NWD2: variants seen among roughly 807,000 people sequenced by gnomAD.
The protein encoded by NWD2 is NACHT and WD repeat domain-containing protein 2.
NWD2 carries 37 observed loss-of-function variants against 132.7 expected under a neutral mutation model. The observed-to-expected ratio is 0.28, with a 90% CI of 0.21 to 0.37. NWD2 has a LOEUF of 0.37. NWD2 is among the 10% of genes least tolerant of loss of function. The pLI, the probability that NWD2 is intolerant of heterozygous loss-of-function variation, is 1.00. For synonymous variants in NWD2, 705 were observed against 803.0 expected (o/e 0.88, Z 2.06); for missense variants, 1,592 against 2,122.4 (o/e 0.75, Z 4.91).
chr4:37,252,104 C>T (rs966297079), intron 1 of NWD2, among the ~76,000 whole-genome samples: 1 of 152,042 alleles, frequency 6.6e-6, no homozygotes, highest in African/African-American at 2.4e-5. Flanking sequence ...ATGAATAGAG[C>T]CAGGGTATGG....
In NWD2 at chr4:37,433,922, T is replaced by C. The variant is rs576081798; in HGVS notation, c.608T>C (p.Ile203Thr). ...GAAAACGAGAAGACATGGCAAGAGA[T>C]ATCAGATGAGATCAAGAAGATATTT... ...NAENEKTWQE[I>T]SDEIKKIFKA... is the part of the protein sequence containing the mutation. Residue 203 changes from isoleucine to threonine, a missense_variant, in exon 5 of 7, where the codon ATA (isoleucine) becomes ACA (threonine). Transcript: ENST00000309447. 1.9e-6 allele frequency: 3 copies of C among 1,549,522 alleles called. No individual in the cohort carries two copies. Among genetic ancestry groups the C allele is most frequent in the South Asian group, 2.4e-5 (2 of 83,732 alleles).
At chr4:37,426,789 G>C (rs957777566) in intron 3 of NWD2, among the ~76,000 whole-genome samples, 1 of 152,104 alleles carries the variant, frequency 6.6e-6, no homozygotes, top group Non-Finnish European at 1.5e-5. Flanking sequence ...AGTACCCTGG[G>C]AGATCCAGGG....
At chr4:37,260,292 C>A (rs999278951) in intron 1 of NWD2, among the ~76,000 whole-genome samples, 4 of 152,164 alleles carry the variant, frequency 2.6e-5, no homozygotes, top group Non-Finnish European at 4.4e-5. Context: ...GGCATTCTCT[C>A]TGGGACTCTC....
At chr4:37,328,194 C>A (rs1401568826) in intron 2 of NWD2, among the ~76,000 whole-genome samples, 1 of 152,046 alleles carries the variant, frequency 6.6e-6, no homozygotes, top group South Asian at 2.1e-4. Context: ...CAGCTGCTTT[C>A]TTATTGTCCC....
intron 1 of NWD2, among the ~76,000 whole-genome samples, chr4:37,295,907 A>G (rs1267155430): frequency 6.6e-6 from 1 of 152,214 alleles, no homozygotes; most frequent in Non-Finnish European, 1.5e-5. Flanking sequence ...CAGATTCAAC[A>G]TTTGTACGTT....
chr4:37,260,752 A>T lies in NWD2; in HGVS notation c.151+15534A>T, dbSNP rs537713150. The stretch of plus-strand genomic sequence containing the variant: ...GACATCTTCCTTAGGCCTACAGATG[A>T]GACTATTAGATTGATTTTTTTAAAA... On this transcript the variant is annotated intron_variant, in intron 1 of 6. Coordinates refer to ENST00000309447, the MANE Select transcript of NWD2 (RefSeq NM_001144990.2). Among the ~76,000 whole-genome samples the T allele has an allele frequency of 3.3e-4, 50 of 152,306 alleles. No homozygotes were observed. In the South Asian group the frequency reaches 8.7e-3, roughly 27 times the overall value.
Position 37,445,327 on chromosome 4 carries a change from T to G in NWD2, c.3339T>G (p.Ala1113=). Residue 1113 remains alanine, a synonymous_variant, in exon 7 of 7, where the codon GCT becomes GCG. Transcript: ENST00000309447. The surrounding 1 kb of genome is among the most constrained non-coding windows in gnomAD (Gnocchi z 4.7). ...AGTGCTCCCTGGATGGTCTGTATGC[T>G]TTCTGTGGCCAATACCTGAACACAA... is the stretch of plus-strand genomic sequence containing the variant. ...CVQCSLDGLY[A]FCGQYLNTTT... The G allele has an allele frequency of 6.4e-7, 1 of 1,552,192 alleles. No homozygotes were observed. The highest frequency in any genetic ancestry group is 1.2e-5 in the South Asian group (1 of 84,064).
chr4:37,292,429 A>C (rs1718384107), intron 1 of NWD2, among the ~76,000 whole-genome samples: 1 of 152,102 alleles, frequency 6.6e-6, no homozygotes, highest in Non-Finnish European at 1.5e-5. Flanking sequence ...TGAAGCGGAG[A>C]GTGACCTCAT....
intron 1 of NWD2, among the ~76,000 whole-genome samples, chr4:37,292,211 A>G (rs1288016503): frequency 1.3e-5 from 2 of 152,154 alleles, no homozygotes; most frequent in African/African-American, 4.8e-5. Context: ...ACTGGGACCA[A>G]TGAGTTTGCT....
At chr4:37,363,551 C>T (rs1720024674) in intron 3 of NWD2, among the ~76,000 whole-genome samples, 5 of 152,100 alleles carry the variant, frequency 3.3e-5, no homozygotes, top group Admixed American at 2.6e-4. Context: ...AACCAAATAC[C>T]ACATGTTCTC....
intron 3 of NWD2, among the ~76,000 whole-genome samples, chr4:37,371,497 A>G (rs780039788): frequency 3.3e-5 from 5 of 152,246 alleles, no homozygotes; most frequent in Non-Finnish European, 5.9e-5. Flanking sequence ...TCAGAAAACA[A>G]AGCTGTGCCT....
intron 3 of NWD2, among the ~76,000 whole-genome samples, chr4:37,362,075 CA>C (rs1719991838): frequency 6.6e-6 from 1 of 151,998 alleles, no homozygotes; most frequent in African/African-American, 2.4e-5. Flanking sequence ...ACAATAGCCA[CA>C]AAAAAATTAA....
intron 1 of NWD2, among the ~76,000 whole-genome samples, chr4:37,286,699 A>G (rs1274900992): frequency 2.0e-5 from 3 of 152,212 alleles, no homozygotes; most frequent in African/African-American, 7.2e-5. Context: ...AATAGAGATC[A>G]TGATACCTTC....
chr4:37,395,931 A>C (rs114272966), intron 3 of NWD2, among the ~76,000 whole-genome samples: 2 of 151,102 alleles, frequency 1.3e-5, no homozygotes, highest in Non-Finnish European at 3.0e-5. Context: ...TTGAAAGTGA[A>C]TCTTGATAGC....
intron 1 of NWD2, among the ~76,000 whole-genome samples, chr4:37,290,132 T>A (rs895991492): frequency 6.6e-6 from 1 of 152,132 alleles, no homozygotes. Flanking sequence ...GCACTGTCCT[T>A]AAGAAATTAG....
intron 1 of NWD2, among the ~76,000 whole-genome samples, chr4:37,248,711 GT>G (rs1467593952): frequency 1.3e-5 from 2 of 152,204 alleles, no homozygotes; most frequent in Non-Finnish European, 2.9e-5. Flanking sequence ...TTCTCTCCCT[GT>G]TATTAGAGTG....
At chr4:37,279,557 T>A (rs1408784768) in intron 1 of NWD2, among the ~76,000 whole-genome samples, 1 of 152,208 alleles carries the variant, frequency 6.6e-6, no homozygotes, top group Non-Finnish European at 1.5e-5. Context: ...CTCCATTATA[T>A]CTGCATTATC....
At position 37,245,123 on chromosome 4, in the gene NWD2, G is replaced by A. The variant is rs1214594788; in HGVS notation, c.56G>A (p.Arg19Gln). 3.2e-6 allele frequency: 5 copies of A among 1,547,754 alleles called. No homozygotes were observed. The highest frequency in any genetic ancestry group is 3.5e-6 in the Non-Finnish European group (4 of 1,146,612). Residue 19 changes from arginine (R) to glutamine (Q), a missense_variant, in exon 1 of 7, where the codon CGG (arginine) becomes CAG (glutamine). Arg to Gln is a conservative substitution (Grantham distance 43, BLOSUM62 1). Around this residue, in one of 7 missense-constraint regions of NWD2, gnomAD observed 88 missense variants for 92.8 expected, o/e 0.95. Coordinates refer to ENST00000309447, the MANE Select transcript of NWD2 (RefSeq NM_001144990.2). ...CCCTGTCCCCGAGACTCTGCGCTCC[G>A]GCGGGCGGCTTTCTCTGGGAACCTC... ...KLPCPRDSAL[R>Q]RAAFSGNLTA... is the part of the protein sequence containing the mutation.
In NWD2 at chr4:37,328,057, C is replaced by G. The variant is rs565620785; in HGVS notation, c.240+2033C>G. On this transcript the variant is annotated intron_variant, in intron 2 of 6. Transcript: ENST00000309447. Reference sequence around the variant, plus strand: ...TCCTATCTAACCTCATGTTGTGCCCCCTTGCTCAATGGCCCACAGCCCTGT... The same window carrying G: ...TCCTATCTAACCTCATGTTGTGCCCGCTTGCTCAATGGCCCACAGCCCTGT... Among the ~76,000 whole-genome samples, 251 of 152,094 alleles carry G rather than the reference C, an allele frequency of 1.7e-3. 3 individuals are homozygous for G. The highest frequency in any genetic ancestry group is 0.016 in the South Asian group (76 of 4,796).
Sources: allele counts gnomAD v4.1 joint callset (sites outside exome capture counted in the v4.1 genomes callset), GRCh38; gene constraint gnomAD v4.1.1; regional missense constraint gnomAD v4.1.1; non-coding constraint Gnocchi (gnomAD v3.1); transcripts MANE v1.5; gene names NCBI Gene and HGNC (gene_info 2026-07-23, HGNC 2026-07-21).